Variants in CRELD2 observed in about 807,000 individuals in gnomAD.
CRELD2 encodes protein disulfide isomerase CRELD2.
Under a neutral mutation model 48.1 loss-of-function variants are expected in CRELD2, and 33 were observed. The observed-to-expected ratio is 0.69, with a 90% confidence interval of 0.52 to 0.92. The LOEUF is 0.92. CRELD2 is among the 40% of genes least tolerant of loss of function. The probability of loss-of-function intolerance (pLI) is 0.00; values close to 1 mark genes in which losing one functional copy is unlikely to be tolerated. For missense variants in CRELD2, 477 were observed against 482.4 expected (o/e 0.99, Z 0.10); for synonymous variants, 220 against 203.9 (o/e 1.08, Z -0.67).
In CRELD2 at chr22:49,921,584, G is replaced by A. The variant is rs771162914; in HGVS notation, c.416-1G>A. On this transcript the variant is annotated splice_acceptor_variant, in intron 4 of 9. Transcript: ENST00000328268. LOFTEE classifies it high-confidence loss of function. ...TGAGCATGGTTTTGTGTCCCCTAAA[G>A]CATGCCAGGGCGGATCCCAGAGGCC... The A allele has an allele frequency of 6.2e-7, 1 of 1,611,904 alleles. No homozygotes were observed. Among genetic ancestry groups the A allele is most frequent in the Admixed American group, 1.7e-5 (1 of 59,956 alleles).
chr22:49,925,765 C>G, intron 9 of CRELD2: 1 of 1,394,998 alleles, frequency 7.2e-7, no homozygotes. Context: ...CCCAGGTTCA[C>G]AGCTCAAACG....
intron 6 of CRELD2, among the ~76,000 whole-genome samples, chr22:49,923,013 T>C (rs1040930363): frequency 1.3e-5 from 2 of 151,760 alleles, no homozygotes; most frequent in African/African-American, 4.9e-5. Flanking sequence ...CGGTTGGCAC[T>C]GAGTGTCTAA....
rs561634817 is a variant in CRELD2 at position 49,927,323 on chromosome 22, C to T, written c.*16C>T. 6.2e-7 allele frequency: 1 copy of T among 1,607,700 alleles called. No homozygotes were observed. Among genetic ancestry groups the T allele is most frequent in the Admixed American group, 1.7e-5 (1 of 59,992 alleles). ...AGACCTGTAATGTGCCGGACTTACC[C>T]TTTAAATTATTCAGAAGGATGTCCC... is the stretch of plus-strand genomic sequence containing the variant. On this transcript the variant is annotated 3_prime_UTR_variant, in exon 10 of 10. Transcript: ENST00000328268.
Position 49,919,296 on chromosome 22 carries a change from T to C in CRELD2, c.196T>C (p.Ser66Pro). The change falls in exon 2 of 10, where the codon TCC (serine) becomes CCC (proline). Residue 66 changes from serine (S) to proline (P), a missense_variant. Coordinates refer to ENST00000328268, the MANE Select transcript of CRELD2 (RefSeq NM_024324.5). Reference sequence around the variant, plus strand: ...CACGGCTTGGGAGGAAAAGACGCTGTCCAAGTACGAGTCCAGGTGGGTGCC... The same window carrying C: ...CACGGCTTGGGAGGAAAAGACGCTGCCCAAGTACGAGTCCAGGTGGGTGCC... The part of the protein sequence containing the change: ...GNTAWEEKTL[S>P]KYESSEIRLL... The C allele has an allele frequency of 6.2e-7, 1 of 1,613,616 alleles. No homozygotes were observed. Among genetic ancestry groups the C allele is most frequent in the South Asian group, 1.1e-5 (1 of 91,086 alleles).
rs1018940866 is a variant in CRELD2, at chr22:49,922,956, G to T, written c.688+249G>T. Among the ~76,000 whole-genome samples the T allele has an allele frequency of 2.6e-5, 3 of 113,456 alleles. No homozygotes were observed. The East Asian group carries it at 6.7e-4, about 25-fold the overall frequency. The allele number at this position is 113,456 out of a possible 152,430, so 74.4% of individuals were successfully genotyped here. The stretch of plus-strand genomic sequence containing the variant: ...GGCGTGAGGTGTGGGGGCACTCACT[G>T]TCTCACTCTCACACAATGTGTCGCC... On this transcript the variant is annotated intron_variant, in intron 6 of 9. Coordinates refer to ENST00000328268, the MANE Select transcript of CRELD2 (RefSeq NM_024324.5).
Position 49,923,192 on chromosome 22 carries a change from G to A in CRELD2, c.689-42G>A, listed in dbSNP as rs778656025. 4.8e-5 allele frequency: 71 copies of A among 1,477,794 alleles called. No homozygotes were observed. In the African/African-American group the frequency reaches 6.6e-4, roughly 14 times the overall value. The allele number at this position is 1,477,794 out of a possible 1,614,324, so 91.5% of individuals were successfully genotyped here. The stretch of plus-strand genomic sequence containing the variant: ...ATCGGTCCTTCCCCGCTCCCTGGCC[G>A]GGCTGTCCTGGGCCGCTCACAGCTG... On this transcript the variant is annotated intron_variant, in intron 6 of 9. Coordinates refer to ENST00000328268, the MANE Select transcript of CRELD2 (RefSeq NM_024324.5).
At chr22:49,919,153 ACCCTCGACCTGGGCTCG>A (rs145212257) in intron 1 of CRELD2, 60 bp from the exon 2 acceptor site, 303,918 of 1,475,730 alleles carry the variant, frequency 0.21, 32,766 homozygotes, top group South Asian at 0.35. Flanking sequence ...GAGTCCCCTC[ACCCTCGACCTGGGCTCG>A]CCCCCACCCT....
Position 49,919,737 on chromosome 22 carries a change from C to T in CRELD2, c.220C>T (p.Arg74Cys), listed in dbSNP as rs1310286720. Reference sequence around the variant, plus strand: ...TGTGGGCCTGTGTTTCAGCGAGATTCGCCTGCTGGAGATCCTGGAGGGGCT... The same window carrying T: ...TGTGGGCCTGTGTTTCAGCGAGATTTGCCTGCTGGAGATCCTGGAGGGGCT... ...TLSKYESSEI[R>C]LLEILEGLCE... The change falls in exon 3 of 10, where the codon CGC (arginine) becomes TGC (cysteine). Residue 74 changes from arginine to cysteine, a missense_variant. Transcript: ENST00000328268. The T allele has an allele frequency of 5.0e-6, 8 of 1,607,250 alleles. No homozygotes were observed. Among genetic ancestry groups the T allele is most frequent in the East Asian group, 2.2e-5 (1 of 44,736 alleles).
chr22:49,921,883 G>A (rs1272766280), intron 5 of CRELD2, 122 bp downstream of exon 5: 2 of 1,000,620 alleles, frequency 2.0e-6, no homozygotes, highest in Non-Finnish European at 2.9e-6. Context: ...GTCCAAGGAA[G>A]CTTCGAGGGC....
At chr22:49,922,458 C>T (rs780677334) in intron 5 of CRELD2, 154 bp from the exon 6 acceptor site, 3 of 1,570,908 alleles carry the variant, frequency 1.9e-6, no homozygotes, top group Non-Finnish European at 2.6e-6. Flanking sequence ...TTAAAAATTC[C>T]TTGGAGTCCT....
chr22:49,923,632 A>C (rs2060726538), intron 7 of CRELD2: 1 of 490,796 alleles, frequency 2.0e-6, no homozygotes, highest in Admixed American at 3.3e-5. Flanking sequence ...GGTGTTTTCC[A>C]CTCAGCAGCT....
In CRELD2 at chr22:49,918,884, G is replaced by A; in HGVS notation, c.115G>A (p.Asp39Asn). ...TPCHRCRGLVDKFNQGMVDTA... is the reference protein window; with the variant it reads ...TPCHRCRGLVNKFNQGMVDTA... ...CTGCCACCGGTGCCGGGGGCTGGTGGACAAGTTTAACCAGGTGGGAAGGGG... is the reference window on the plus strand; with the variant it reads ...CTGCCACCGGTGCCGGGGGCTGGTGAACAAGTTTAACCAGGTGGGAAGGGG... Residue 39 changes from aspartate to asparagine, a missense_variant, in exon 1 of 10, where the codon GAC becomes AAC. Coordinates refer to ENST00000328268, the MANE Select transcript of CRELD2 (RefSeq NM_024324.5). 1 of 1,298,662 alleles carries A rather than the reference G, an allele frequency of 7.7e-7. No individual in the cohort carries two copies. Among genetic ancestry groups the A allele is most frequent in the Non-Finnish European group, 9.8e-7 (1 of 1,024,950 alleles). 80.4% of individuals were successfully genotyped at this position (1,298,662 alleles called of 1,614,324 possible).
At chr22:49,920,879 G>T (rs1016926226) in intron 4 of CRELD2, among the ~76,000 whole-genome samples, 1 of 152,246 alleles carries the variant, frequency 6.6e-6, no homozygotes. Context: ...TGCACTGGAG[G>T]CCGCAGCTAA....
At chr22:49,925,767 G>C in intron 9 of CRELD2, 1 of 1,392,196 alleles carries the variant, frequency 7.2e-7, no homozygotes, top group Non-Finnish European at 9.3e-7. Flanking sequence ...CAGGTTCACA[G>C]CTCAAACGGA....
chr22:49,919,797 C>T lies in CRELD2; in HGVS notation c.280C>T (p.Leu94=), dbSNP rs774745832. Residue 94 remains leucine (L), a synonymous_variant, in exon 3 of 10, where the codon CTA becomes TTA. Coordinates refer to ENST00000328268, the MANE Select transcript of CRELD2 (RefSeq NM_024324.5). ...ESSDFECNQM[L]EAQEEHLEAW... ...CAGCGACTTCGAATGCAATCAGATG[C>T]TAGAGGCGCAGGAGGAGCACCTGGA... The T allele has an allele frequency of 1.9e-6, 3 of 1,613,040 alleles. No homozygotes were observed. Among genetic ancestry groups the T allele is most frequent in the Non-Finnish European group, 8.5e-7 (1 of 1,179,616 alleles).
chr22:49,921,019 G>A (rs927425273), intron 4 of CRELD2, among the ~76,000 whole-genome samples: 3 of 152,358 alleles, frequency 2.0e-5, no homozygotes, highest in South Asian at 2.1e-4. Context: ...TGAGAAATGC[G>A]TCATTAGGCG....
chr22:49,922,688 G>C lies in CRELD2; in HGVS notation c.669G>C (p.Leu223=). 6.5e-7 allele frequency: 1 copy of C among 1,549,846 alleles called. No homozygotes were observed. The highest frequency in any genetic ancestry group is 8.7e-7 in the Non-Finnish European group (1 of 1,150,018). ...DCGECEVGWV[L]DEGACVDVDE... ...GCGAGTGTGAAGTGGGCTGGGTGCT[G>C]GACGAGGGCGCCTGTGTGGGTGAGG... Residue 223 remains leucine (L), a synonymous_variant, in exon 6 of 10, where the codon CTG becomes CTC. Coordinates refer to ENST00000328268, the MANE Select transcript of CRELD2 (RefSeq NM_024324.5).
At position 49,922,002 on chromosome 22, in the gene CRELD2, C is replaced by G. The variant is rs147617213; in HGVS notation, c.592+241C>G. Reference sequence around the variant, plus strand: ...AAGCTACTCACCTTTCTCTCTAGTTCAAGGTCCACCCCGACCTTGAGTTGT... The same window carrying G: ...AAGCTACTCACCTTTCTCTCTAGTTGAAGGTCCACCCCGACCTTGAGTTGT... On this transcript the variant is annotated intron_variant, in intron 5 of 9. Transcript: ENST00000328268. The G allele has an allele frequency of 2.5e-3, 1,503 of 604,486 alleles. 20 individuals carry two copies. The highest frequency in any genetic ancestry group is 0.025 in the African/African-American group (1,342 of 53,974). 37.4% of individuals were successfully genotyped at this position (604,486 alleles called of 1,614,324 possible).
chr22:49,919,439 G>A (rs901332090), intron 2 of CRELD2, 127 bp downstream of exon 2: 5 of 835,346 alleles, frequency 6.0e-6, no homozygotes, highest in East Asian at 5.3e-5. Flanking sequence ...TCACCCGTCC[G>A]AGTCACCTCG....
Sources: gnomAD v4.1 joint callset for allele counts (sites outside exome capture counted in the v4.1 genomes callset) on GRCh38, gnomAD v4.1.1 for gene constraint, MANE v1.5 for transcripts, NCBI Gene and HGNC (gene_info 2026-07-23, HGNC 2026-07-21) for gene names.